Variants in PEPD observed in about 807,000 individuals in gnomAD.
PEPD encodes the protein peptidase D, also known as xaa-Pro dipeptidase.
A neutral mutation model predicts 60.7 loss-of-function variants in PEPD; 53 were observed. That is an observed-to-expected ratio of 0.87 (90% confidence interval 0.70 to 1.10). The LOEUF (loss-of-function observed/expected upper bound fraction) is 1.10, where lower values mean the gene tolerates loss of function less well. PEPD is among the 50% of genes least tolerant of loss of function. The pLI is 0.00. For missense variants in PEPD, 711 were observed against 711.9 expected, an observed-to-expected ratio of 1.00 and a Z score of 0.01; for synonymous variants, 267 against 284.1, an observed-to-expected ratio of 0.94 and a Z score of 0.60.
At chr19:33,480,732 T>C (rs1424166410) in intron 6 of PEPD, among the ~76,000 whole-genome samples, 2 of 151,948 alleles carry the variant, frequency 1.3e-5, no homozygotes, top group African/African-American at 4.8e-5. Context: ...GAGGCGGAGA[T>C]TGCAGTGAGC....
rs770894351 is a variant in PEPD at position 33,501,034 on chromosome 19, G to A, written c.330-33C>T. On this transcript the variant is annotated intron_variant, in intron 3 of 14. Transcript: ENST00000244137. ...AAAAGCACAAGGAATATCAGGGTCA[G>A]GGCTTGGTAATGGCTCAGCATGGCC... The A allele has an allele frequency of 4.3e-6, 6 of 1,392,676 alleles. No individual in the cohort carries two copies. The South Asian group carries it at 6.9e-5, about 16-fold the overall frequency. The allele number at this position is 1,392,676 out of a possible 1,614,324, so 86.3% of individuals were successfully genotyped here.
intron 4 of PEPD, among the ~76,000 whole-genome samples, chr19:33,500,668 A>G (rs572208497): frequency 6.6e-6 from 1 of 152,280 alleles, no homozygotes; most frequent in African/African-American, 2.4e-5. Flanking sequence ...CACCTCATGT[A>G]ATCTCAGCGG....
In PEPD at chr19:33,511,049, C is replaced by A. The variant is rs1217144197; in HGVS notation, c.308G>T (p.Ser103Ile). Residue 103 changes from serine to isoleucine, a missense_variant, in exon 3 of 15, where the codon AGC (serine) becomes ATC (isoleucine). Coordinates refer to ENST00000244137, the MANE Select transcript of PEPD (RefSeq NM_000285.4). ...STLFVPRLPA[S>I]HATWMGKIHS... ...TTACTTTCCCATCCAGGTGGCATGG[C>A]TGGCAGGAAGCCTGGGCACAAACAG... The A allele has an allele frequency of 1.2e-6, 2 of 1,613,714 alleles. No individual in the cohort carries two copies. The highest frequency in any genetic ancestry group is 1.7e-6 in the Non-Finnish European group (2 of 1,179,864).
At chr19:33,396,889 C>T (rs138337084) in intron 12 of PEPD, among the ~76,000 whole-genome samples, 2 of 152,280 alleles carry the variant, frequency 1.3e-5, no homozygotes, top group Non-Finnish European at 2.9e-5. Flanking sequence ...GAACAGCCTT[C>T]CTGCTGTGGC....
chr19:33,436,429 G>A (rs923326858), intron 9 of PEPD, among the ~76,000 whole-genome samples: 2 of 152,150 alleles, frequency 1.3e-5, no homozygotes, highest in Admixed American at 1.3e-4. Context: ...TCATCATGAT[G>A]GGCCTGGTCT....
At chr19:33,504,696 T>C (rs1600169470) in intron 3 of PEPD, among the ~76,000 whole-genome samples, 1 of 151,266 alleles carries the variant, frequency 6.6e-6, no homozygotes, top group African/African-American at 2.4e-5. Flanking sequence ...GAGGTGGAGG[T>C]TGCAGTGAGC....
rs1414606741 is a variant in PEPD, at chr19:33,387,426, C to T, written c.1400G>A (p.Cys467Tyr). ...VTDSGIELLT[C>Y]VPRTVEEIEA... ...AATCTCTTCCACAGTGCGGGGCACG[C>T]AGGTCAGCAGCTCTATGCCGCTGTC... The change falls in exon 15 of 15, where the codon TGC (cysteine) becomes TAC (tyrosine). Residue 467 changes from cysteine (C) to tyrosine (Y), a missense_variant. Coordinates refer to ENST00000244137, the MANE Select transcript of PEPD (RefSeq NM_000285.4). 1 of 1,613,936 alleles carries T rather than the reference C, an allele frequency of 6.2e-7. No homozygotes were observed. The highest frequency in any genetic ancestry group is 2.2e-5 in the East Asian group (1 of 44,892).
rs144009870 is a variant in PEPD at position 33,444,612 on chromosome 19, C to T, written c.671+18383G>A. Among the ~76,000 whole-genome samples the T allele has an allele frequency of 1.9e-3, 282 of 150,804 alleles. 1 individual carries two copies. The highest frequency in any genetic ancestry group is 6.2e-3 in the African/African-American group (253 of 41,090). ...TCCAAACTCACCCTCCAGCCCCCTC[C>T]CTCCCATGGCCAAGCCTACCAGTCT... On this transcript the variant is annotated intron_variant, in intron 9 of 14. Coordinates refer to ENST00000244137, the MANE Select transcript of PEPD (RefSeq NM_000285.4).
At chr19:33,491,901 T>C (rs1461573042) in intron 5 of PEPD, among the ~76,000 whole-genome samples, 1 of 152,226 alleles carries the variant, frequency 6.6e-6, no homozygotes, top group Non-Finnish European at 1.5e-5. Context: ...GATTTCTTTA[T>C]TACAGCTAGC....
chr19:33,506,992 C>T (rs78214586), intron 3 of PEPD, among the ~76,000 whole-genome samples: 5,718 of 150,576 alleles, frequency 0.038, 243 homozygotes, highest in African/African-American at 0.097. Flanking sequence ...CACATCCATA[C>T]GTACCCACCC....
At position 33,391,474 on chromosome 19, in the gene PEPD, A is replaced by G. The variant is rs371556469; in HGVS notation, c.973T>C (p.Trp325Arg). The change falls in exon 13 of 15, where the codon TGG (tryptophan) becomes CGG (arginine). Residue 325 changes from tryptophan (W) to arginine (R), a missense_variant. Physicochemically the swap from Trp to Arg is moderately radical, Grantham distance 101 (BLOSUM62 -3). Coordinates refer to ENST00000244137, the MANE Select transcript of PEPD (RefSeq NM_000285.4). Reference sequence around the variant, plus strand: ...GCCAGGCGGTGCATGTCAGGCCACCAGACACCTGTGGGCCAGAGGGAGCTG... The same window carrying G: ...GCCAGGCGGTGCATGTCAGGCCACCGGACACCTGTGGGCCAGAGGGAGCTG... The part of the protein sequence containing the change: ...AVMGAMKPGV[W>R]WPDMHRLADR... 7.7e-6 allele frequency: 12 copies of G among 1,549,932 alleles called. No individual in the cohort carries two copies. In the African/African-American group the frequency reaches 1.5e-4, roughly 19 times the overall value.
intron 9 of PEPD, among the ~76,000 whole-genome samples, chr19:33,453,623 A>T (rs960175568): frequency 2.2e-4 from 34 of 152,266 alleles, no homozygotes; most frequent in Non-Finnish European, 2.6e-4. Context: ...AAGAGACTAC[A>T]GTATACTGCA....
intron 7 of PEPD, among the ~76,000 whole-genome samples, chr19:33,471,495 G>C (rs1970118810): frequency 6.6e-6 from 1 of 152,210 alleles, no homozygotes; most frequent in Non-Finnish European, 1.5e-5. Flanking sequence ...GAACAGATGA[G>C]GACAAAAGGG....
chr19:33,419,200 T>C (rs1314490255), intron 9 of PEPD, among the ~76,000 whole-genome samples: 1 of 152,062 alleles, frequency 6.6e-6, no homozygotes, highest in African/African-American at 2.4e-5. Flanking sequence ...ACCATCTCCA[T>C]GTGGGCAAGC....
intron 11 of PEPD, among the ~76,000 whole-genome samples, chr19:33,406,516 GACA>G (rs1317955121): frequency 6.6e-6 from 1 of 152,222 alleles, no homozygotes; most frequent in African/African-American, 2.4e-5. Context: ...GCTGGCTGGT[GACA>G]ACAAGTCTCC....
intron 3 of PEPD, among the ~76,000 whole-genome samples, chr19:33,507,901 T>G (rs901291060): frequency 2.0e-5 from 3 of 152,034 alleles, no homozygotes; most frequent in African/African-American, 7.2e-5. Context: ...GGGGTGGCTG[T>G]GGTAGGGAGC....
chr19:33,449,238 G>T (rs1969651643), intron 9 of PEPD, among the ~76,000 whole-genome samples: 1 of 152,202 alleles, frequency 6.6e-6, no homozygotes, highest in South Asian at 2.1e-4. Context: ...CTCCTCTGGG[G>T]TCGCCCATCT....
intron 7 of PEPD, among the ~76,000 whole-genome samples, chr19:33,467,508 C>A (rs1389558451): frequency 6.6e-6 from 1 of 152,130 alleles, no homozygotes; most frequent in African/African-American, 2.4e-5. Flanking sequence ...GAGAGCAGGG[C>A]CCCATCTGTG....
chr19:33,455,184 G>A (rs762750122), intron 9 of PEPD, among the ~76,000 whole-genome samples: 3 of 152,188 alleles, frequency 2.0e-5, no homozygotes, highest in African/African-American at 7.2e-5. Flanking sequence ...TATCAATAAC[G>A]TGCATCCATG....
Sources: gnomAD v4.1 joint callset for allele counts (sites outside exome capture counted in the v4.1 genomes callset) on GRCh38, gnomAD v4.1.1 for gene constraint, MANE v1.5 for transcripts, NCBI Gene and HGNC (gene_info 2026-07-23, HGNC 2026-07-21) for gene names.